The following SLC24A3 variants were observed in gnomAD, a reference collection of about 807,000 sequenced individuals.
The protein encoded by SLC24A3 is solute carrier family 24 member 3, also known as sodium/potassium/calcium exchanger 3.
In SLC24A3, 28 loss-of-function variants were observed where a neutral mutation model predicts 75.8. The observed-to-expected ratio is 0.37, with a 90% CI of 0.27 to 0.51. The LOEUF (loss-of-function observed/expected upper bound fraction) is 0.51. SLC24A3 is among the 20% of genes least tolerant of loss of function. SLC24A3 has a pLI of 0.94. For synonymous variants in SLC24A3, 372 were observed against 334.1 expected (o/e 1.11, Z -1.24); for missense variants, 663 against 847.8 (o/e 0.78, Z 2.71).
intron 2 of SLC24A3, among the ~76,000 whole-genome samples, chr20:19,359,073 G>A (rs907715554): frequency 2.0e-5 from 3 of 152,128 alleles, no homozygotes; most frequent in African/African-American, 7.2e-5. Context: ...TAGTGCTACT[G>A]TGAACATTTG....
chr20:19,509,636 G>C (rs567364092), intron 2 of SLC24A3, among the ~76,000 whole-genome samples: 19 of 152,366 alleles, frequency 1.2e-4, no homozygotes, highest in African/African-American at 4.6e-4. Flanking sequence ...CACAGCTGCT[G>C]TTGCAGCTCT....
intron 2 of SLC24A3, among the ~76,000 whole-genome samples, chr20:19,498,271 A>G (rs184201314): frequency 2.3e-4 from 35 of 152,366 alleles, no homozygotes; most frequent in African/African-American, 7.9e-4. Context: ...AATAATAGAA[A>G]TAAAGTACAC....
intron 2 of SLC24A3, among the ~76,000 whole-genome samples, chr20:19,452,370 T>C (rs1375273028): frequency 8.2e-6 from 1 of 122,082 alleles, no homozygotes; most frequent in Non-Finnish European, 1.7e-5. Context: ...TGGGATCCTG[T>C]GGGGGATGTG....
At position 19,347,727 on chromosome 20, in the gene SLC24A3, G is replaced by A. The variant is rs374107885; in HGVS notation, c.271+66640G>A. On this transcript the variant is annotated intron_variant, in intron 2 of 16. Transcript: ENST00000328041. ...AGAAATGGAAAATACTGTGTTTGAG[G>A]TTGTGCATGGTGTAGTGGAAGGCCA... Among the ~76,000 whole-genome samples the A allele has an allele frequency of 2.0e-5, 3 of 152,294 alleles. No individual in the cohort carries two copies. The South Asian group carries it at 6.2e-4, about 32-fold the overall frequency.
chr20:19,432,787 T>C (rs1468069910), intron 2 of SLC24A3, among the ~76,000 whole-genome samples: 6 of 152,224 alleles, frequency 3.9e-5, no homozygotes, highest in South Asian at 4.1e-4. Context: ...ACTGACTTAG[T>C]GCTGTAAACT....
At chr20:19,685,466 T>A in intron 12 of SLC24A3, 105 bp downstream of exon 12, 1 of 1,511,904 alleles carries the variant, frequency 6.6e-7, no homozygotes, top group Non-Finnish European at 8.9e-7. Context: ...TTAAAATCTC[T>A]GTATGAACAT....
chr20:19,712,304 G>C (rs1286862022), intron 15 of SLC24A3, among the ~76,000 whole-genome samples: 2 of 151,894 alleles, frequency 1.3e-5, no homozygotes, highest in Non-Finnish European at 2.9e-5. Context: ...AGGGGTGAGG[G>C]AATTAGGTGC....
chr20:19,386,655 C>A (rs2122381567), intron 2 of SLC24A3, among the ~76,000 whole-genome samples: 1 of 152,240 alleles, frequency 6.6e-6, no homozygotes, highest in Non-Finnish European at 1.5e-5. Context: ...TGCTTTTTGG[C>A]ATCTATTGAG....
At chr20:19,314,277 A>ATTTATTTTATATTAT (rs1984527655) in intron 2 of SLC24A3, among the ~76,000 whole-genome samples, 1 of 126,442 alleles carries the variant, frequency 7.9e-6, no homozygotes, top group Non-Finnish European at 1.7e-5. Flanking sequence ...GTTTTTATTT[A>ATTTATTTTATATTAT]TTTATTTTAT....
At chr20:19,448,701 G>A (rs1006890992) in intron 2 of SLC24A3, among the ~76,000 whole-genome samples, 1 of 152,210 alleles carries the variant, frequency 6.6e-6, no homozygotes, top group Admixed American at 6.5e-5. Context: ...GCACCATTCA[G>A]CAGTATATTA....
At chr20:19,529,633 A>T (rs943813500) in intron 3 of SLC24A3, among the ~76,000 whole-genome samples, 2 of 151,956 alleles carry the variant, frequency 1.3e-5, no homozygotes, top group African/African-American at 4.8e-5. Flanking sequence ...GGCCCTGACT[A>T]CCTCTCCCAA....
rs1197072591 is a variant in SLC24A3, at chr20:19,559,733, A to G, written c.349-20267A>G. Among the ~76,000 whole-genome samples the G allele has an allele frequency of 2.6e-5, 4 of 152,116 alleles. No homozygotes were observed. The East Asian group carries it at 7.7e-4, about 29-fold the overall frequency. On this transcript the variant is annotated intron_variant, in intron 3 of 16. Transcript: ENST00000328041. ...GTGCCCTGAGAATCATTAATTACAT[A>G]ATTATTTGTAATAATTATGAGAAAT... is the stretch of plus-strand genomic sequence containing the variant.
chr20:19,536,320 C>T (rs1174414078), intron 3 of SLC24A3, among the ~76,000 whole-genome samples: 2 of 152,078 alleles, frequency 1.3e-5, no homozygotes, highest in African/African-American at 2.4e-5. Flanking sequence ...GTTAGACCTG[C>T]CCAGAGGAAC....
At chr20:19,482,553 A>G (rs952565461) in intron 2 of SLC24A3, among the ~76,000 whole-genome samples, 3 of 152,220 alleles carry the variant, frequency 2.0e-5, no homozygotes, top group Non-Finnish European at 4.4e-5. Context: ...TTCACACTGC[A>G]TGGTAATCTC....
intron 1 of SLC24A3, among the ~76,000 whole-genome samples, chr20:19,249,775 T>A (rs573595871): frequency 2.0e-5 from 3 of 152,344 alleles, no homozygotes; most frequent in Non-Finnish European, 4.4e-5. Flanking sequence ...GTGCACATGT[T>A]AATTGCATGA....
At chr20:19,220,688 A>G (rs2122131391) in intron 1 of SLC24A3, among the ~76,000 whole-genome samples, 1 of 152,344 alleles carries the variant, frequency 6.6e-6, no homozygotes, top group Middle Eastern at 3.4e-3. Flanking sequence ...TAAACATTAC[A>G]TCTATGGTTA....
chr20:19,657,799 C>T (rs1333102561), intron 7 of SLC24A3, among the ~76,000 whole-genome samples: 1 of 152,120 alleles, frequency 6.6e-6, no homozygotes, highest in East Asian at 1.9e-4. Flanking sequence ...CTTTTTTCTT[C>T]TTCTCCTCTT....
chr20:19,678,364 G>A lies in SLC24A3; in HGVS notation c.768-3494G>A, dbSNP rs1337983617. Among the ~76,000 whole-genome samples, 163 of 124,050 alleles carry A rather than the reference G, an allele frequency of 1.3e-3. 5 individuals are homozygous for A. The highest frequency in any genetic ancestry group is 2.1e-3 in the Non-Finnish European group (119 of 56,620). 81.4% of individuals were successfully genotyped at this position (124,050 alleles called of 152,430 possible). A position where few individuals can be genotyped will look rare whatever the true frequency, so the allele number is the denominator to read the frequency against. On this transcript the variant is annotated intron_variant, in intron 9 of 16. Coordinates refer to ENST00000328041, the MANE Select transcript of SLC24A3 (RefSeq NM_020689.4). ...GACCCCCCCCACCTCCCTCCCGGAC[G>A]GGGCGGCTGGCCGGGCAGAGGGGCT...
At chr20:19,236,736 A>G (rs1982180357) in intron 1 of SLC24A3, among the ~76,000 whole-genome samples, 1 of 152,180 alleles carries the variant, frequency 6.6e-6, no homozygotes, top group South Asian at 2.1e-4. Flanking sequence ...AGCCTGGGTG[A>G]CAAAGTGAGA....
Sources: allele counts gnomAD v4.1 joint callset (sites outside exome capture counted in the v4.1 genomes callset), GRCh38; gene constraint gnomAD v4.1.1; transcripts MANE v1.5; gene names NCBI Gene and HGNC (gene_info 2026-07-23, HGNC 2026-07-21).